The following BICDL1 variants were observed in gnomAD, a reference collection of about 807,000 sequenced individuals.
BICDL1 encodes the protein BICD family-like cargo adapter 1.
BICDL1 carries 20 observed loss-of-function variants against 76.8 expected under a neutral mutation model. The observed-to-expected ratio is 0.26, with a 90% CI of 0.18 to 0.38. The LOEUF (loss-of-function observed/expected upper bound fraction) is 0.38. Ranked by LOEUF, BICDL1 falls within the 10% of genes least tolerant of loss-of-function variation. The pLI is 1.00. For missense variants in BICDL1, 700 were observed against 798.6 expected, an observed-to-expected ratio of 0.88 and a Z score of 1.49; for synonymous variants, 383 against 337.1, an observed-to-expected ratio of 1.14 and a Z score of -1.49.
At chr12:120,058,133 G>A (rs925960556) in intron 2 of BICDL1, among the ~76,000 whole-genome samples, 4 of 151,954 alleles carry the variant, frequency 2.6e-5, no homozygotes, top group Non-Finnish European at 5.9e-5. Context: ...GCGCCTGGCC[G>A]ATTCCTGCTT....
chr12:120,025,422 A>G (rs924855895), intron 2 of BICDL1, among the ~76,000 whole-genome samples: 4 of 152,128 alleles, frequency 2.6e-5, no homozygotes, highest in Non-Finnish European at 5.9e-5. Flanking sequence ...TCTGGTGTAG[A>G]CCACGGGTCA....
At chr12:120,044,908 A>G (rs1000000512) in intron 2 of BICDL1, among the ~76,000 whole-genome samples, 1 of 152,094 alleles carries the variant, frequency 6.6e-6, no homozygotes, top group African/African-American at 2.4e-5. Flanking sequence ...TTGGTTCCAT[A>G]TGAACTTTAA....
chr12:120,052,381 AG>A (rs2138858142), intron 2 of BICDL1, among the ~76,000 whole-genome samples: 1 of 149,868 alleles, frequency 6.7e-6, no homozygotes, highest in South Asian at 2.1e-4. Flanking sequence ...CATTCTGAAT[AG>A]TCTTTGTTTC....
chr12:120,064,667 C>G, intron 3 of BICDL1, 66 bp from the exon 4 acceptor site: 1 of 1,512,592 alleles, frequency 6.6e-7, no homozygotes, highest in Non-Finnish European at 8.9e-7. Context: ...TGGGGCTAGT[C>G]CCTAGTTCCT....
chr12:120,059,044 G>T (rs1318018928), intron 2 of BICDL1, among the ~76,000 whole-genome samples: 1 of 151,820 alleles, frequency 6.6e-6, no homozygotes, highest in Non-Finnish European at 1.5e-5. Context: ...TAGTATTACA[G>T]TACTAATTTG....
Position 119,990,137 on chromosome 12 carries a change from A to C in BICDL1, c.269A>C (p.Gln90Pro), listed in dbSNP as rs1301770576. The C allele has an allele frequency of 6.5e-7, 1 of 1,550,138 alleles. No homozygotes were observed. The highest frequency in any genetic ancestry group is 8.7e-7 in the Non-Finnish European group (1 of 1,147,088). ...PGSLAEGAGP[Q>P]PPPSQDPELL... ...TCTCTGGCCGAGGGGGCCGGACCGC[A>C]GCCGCCGCCCTCCCAGGACCCCGAG... Residue 90 changes from glutamine to proline, a missense_variant, in exon 1 of 10, where the codon CAG becomes CCG. By Grantham distance (76) the Gln-to-Pro change is moderately conservative (BLOSUM62 -1). Coordinates refer to ENST00000548673, the MANE Select transcript of BICDL1 (RefSeq NM_001367886.1).
intron 9 of BICDL1, chr12:120,090,697 C>G (rs1301064407): frequency 2.7e-6 from 1 of 369,146 alleles, no homozygotes; most frequent in Admixed American, 3.7e-5. Flanking sequence ...AATTCTCATC[C>G]AGACAGATGA....
chr12:120,056,918 C>T, intron 2 of BICDL1: 1 of 329,454 alleles, frequency 3.0e-6, no homozygotes, highest in Non-Finnish European at 5.9e-6. Context: ...GACCGCCTGC[C>T]CTTGATGCAG....
chr12:120,037,105 G>C (rs191567623), intron 2 of BICDL1, among the ~76,000 whole-genome samples: 1 of 152,120 alleles, frequency 6.6e-6, no homozygotes, highest in African/African-American at 2.4e-5. Flanking sequence ...TTCATGTCCT[G>C]CTTGAATGCA....
chr12:120,016,840 G>GT (rs1047756658), intron 2 of BICDL1, among the ~76,000 whole-genome samples: 1 of 131,692 alleles, frequency 7.6e-6, no homozygotes, highest in Non-Finnish European at 1.6e-5. Flanking sequence ...TTTTTAGTAT[G>GT]TAAAAAAAAA....
At chr12:120,029,211 ACAG>A (rs1952370667) in intron 2 of BICDL1, among the ~76,000 whole-genome samples, 1 of 152,186 alleles carries the variant, frequency 6.6e-6, no homozygotes, top group African/African-American at 2.4e-5. Context: ...TGAGATCTCC[ACAG>A]GTATGAACAG....
intron 9 of BICDL1, chr12:120,091,300 T>C: frequency 9.3e-7 from 1 of 1,071,898 alleles, no homozygotes; most frequent in Non-Finnish European, 1.1e-6. Flanking sequence ...GAGCAGCGTG[T>C]GTCTGGGAAA....
At chr12:120,049,891 C>CATA (rs1452024120) in intron 2 of BICDL1, among the ~76,000 whole-genome samples, 1 of 152,156 alleles carries the variant, frequency 6.6e-6, no homozygotes, top group Non-Finnish European at 1.5e-5. Flanking sequence ...GCTTTTTATT[C>CATA]CTCCAAAGTA....
In BICDL1 at chr12:120,040,576, C is replaced by T. The variant is rs562266237; in HGVS notation, c.646-21134C>T. Among the ~76,000 whole-genome samples the T allele has an allele frequency of 3.3e-3, 494 of 151,906 alleles. 2 individuals are homozygous for T. The highest frequency in any genetic ancestry group is 5.8e-3 in the Admixed American group (89 of 15,232). On this transcript the variant is annotated intron_variant, in intron 2 of 9. Coordinates refer to ENST00000548673, the MANE Select transcript of BICDL1 (RefSeq NM_001367886.1). ...GACTATAGGCATACACTACCACACC[C>T]GGCTAATTTTTTTGTATTTCTTGTA... is the stretch of plus-strand genomic sequence containing the variant.
intron 7 of BICDL1, 108 bp from the exon 8 acceptor site, chr12:120,080,779 C>T: frequency 2.4e-6 from 3 of 1,264,488 alleles, no homozygotes; most frequent in Admixed American, 2.3e-5. Flanking sequence ...GCTTGCACCC[C>T]CACACATGTA....
At chr12:120,009,200 A>C (rs1216177477) in intron 2 of BICDL1, among the ~76,000 whole-genome samples, 5 of 151,944 alleles carry the variant, frequency 3.3e-5, no homozygotes, top group South Asian at 4.2e-4. Flanking sequence ...GTTGGCCAGG[A>C]TGGTCTCGAT....
intron 2 of BICDL1, among the ~76,000 whole-genome samples, chr12:120,033,868 A>G (rs1276790171): frequency 2.6e-5 from 4 of 152,202 alleles, no homozygotes; most frequent in Admixed American, 1.3e-4. Context: ...CAGATGACAC[A>G]TAGCTGGCAT....
Position 119,990,161 on chromosome 12 carries a change from A to G in BICDL1, c.293A>G (p.Glu98Gly), listed in dbSNP as rs1191745748. The G allele has an allele frequency of 6.4e-6, 10 of 1,551,940 alleles. 1 individual carries two copies. The African/African-American group carries it at 8.2e-5, about 13-fold the overall frequency. ...GPQPPPSQDP[E>G]LLSVIRQKEK... is the part of the protein sequence containing the mutation. ...CAGCCGCCGCCCTCCCAGGACCCCG[A>G]GCTGCTGTCGGTGATCCGACAGAAG... The change falls in exon 1 of 10, where the codon GAG becomes GGG. Residue 98 changes from glutamate to glycine, a missense_variant. By Grantham distance (98) the Glu-to-Gly change is moderately conservative. Coordinates refer to ENST00000548673, the MANE Select transcript of BICDL1 (RefSeq NM_001367886.1).
chr12:120,057,209 T>C, intron 2 of BICDL1: 1 of 470,126 alleles, frequency 2.1e-6, no homozygotes, highest in Non-Finnish European at 4.2e-6. Context: ...GAGACAGGGT[T>C]TCACCATATT....
Sources: gnomAD v4.1 joint callset for allele counts (sites outside exome capture counted in the v4.1 genomes callset) on GRCh38, gnomAD v4.1.1 for gene constraint, MANE v1.5 for transcripts, NCBI Gene and HGNC (gene_info 2026-07-23, HGNC 2026-07-21) for gene names.